Variants in TMIGD2 observed in about 807,000 individuals in gnomAD.
TMIGD2 encodes the protein transmembrane and immunoglobulin domain containing 2.
In TMIGD2, 18 loss-of-function variants were observed where a neutral mutation model predicts 22.6. The observed-to-expected ratio is 0.80, with a 90% CI of 0.55 to 1.18. The LOEUF (loss-of-function observed/expected upper bound fraction) is 1.18, where lower values mean the gene tolerates loss of function less well. TMIGD2 is among the 50% of genes most tolerant of loss of function. TMIGD2 has a pLI of 0.00. For missense variants in TMIGD2, 361 were observed against 378.2 expected (o/e 0.95, Z 0.38); for synonymous variants, 184 against 154.1 (o/e 1.19, Z -1.44).
At chr19:4,298,846 G>A (rs913566885) in intron 1 of TMIGD2, among the ~76,000 whole-genome samples, 3 of 152,110 alleles carry the variant, frequency 2.0e-5, no homozygotes, top group African/African-American at 7.2e-5. Flanking sequence ...GGTATAAGTC[G>A]CTCAGAGCTT....
At chr19:4,296,715 C>A (rs766688557) in intron 2 of TMIGD2, among the ~76,000 whole-genome samples, 259 of 35,134 alleles carry the variant, frequency 7.4e-3, no homozygotes, top group Non-Finnish European at 0.018. Flanking sequence ...GGCACGTGTC[C>A]CCCGCCAGCA....
intron 1 of TMIGD2, among the ~76,000 whole-genome samples, chr19:4,300,757 G>T (rs555517620): frequency 4.8e-4 from 73 of 152,308 alleles, no homozygotes; most frequent in Non-Finnish European, 1.0e-3. Flanking sequence ...AGGCCCTGGG[G>T]CAGGACTGTG....
chr19:4,292,727 A>T lies in TMIGD2; in HGVS notation c.721T>A (p.Cys241Ser), dbSNP rs554333681. 10 of 1,608,970 alleles carry T rather than the reference A, an allele frequency of 6.2e-6. No homozygotes were observed. The South Asian group carries it at 9.9e-5, about 16-fold the overall frequency. ...CTGGGGCAGGGTCTCGGGCTGGGGCAGGGTCTTGACGCCAGGTGCGGCTGG... is the reference window on the plus strand; with the variant it reads ...CTGGGGCAGGGTCTCGGGCTGGGGCTGGGTCTTGACGCCAGGTGCGGCTGG... The change falls in exon 5 of 5, where the codon TGC becomes AGC. Residue 241 changes from cysteine (C) to serine (S), a missense_variant. Cys to Ser is a moderately radical substitution (Grantham distance 112). Coordinates refer to ENST00000301272, the Ensembl canonical transcript of TMIGD2.
At chr19:4,298,143 G>A (rs1461075793) in exon 2 of TMIGD2, 1 of 1,613,412 alleles carries the variant, frequency 6.2e-7, no homozygotes, top group Non-Finnish European at 8.5e-7. Context: ...GCCGTCCCTG[G>A]GGCCCGCAGA....
chr19:4,298,073 T>C (rs1262025272), exon 2 of TMIGD2: 2 of 1,613,488 alleles, frequency 1.2e-6, no homozygotes, highest in Non-Finnish European at 1.7e-6. Context: ...TACGCCCCGC[T>C]GTGGTTGAGG....
At chr19:4,293,208 G>C (rs1424291590) in intron 4 of TMIGD2, among the ~76,000 whole-genome samples, 1 of 150,868 alleles carries the variant, frequency 6.6e-6, no homozygotes, top group Admixed American at 6.6e-5. Flanking sequence ...TGATCCACCC[G>C]CCTCGGCCTC....
exon 5 of TMIGD2, chr19:4,292,833 C>G (rs1971400738): frequency 1.2e-6 from 2 of 1,613,766 alleles, no homozygotes; most frequent in Non-Finnish European, 1.7e-6. Context: ...AGTCCTCACT[C>G]TTCTTTGGGG....
chr19:4,294,792 C>A (rs764768421), exon 3 of TMIGD2: 1 of 1,584,708 alleles, frequency 6.3e-7, no homozygotes, highest in Non-Finnish European at 8.6e-7. Context: ...GCTTGCGATC[C>A]GGTTTCTGTT....
intron 1 of TMIGD2, among the ~76,000 whole-genome samples, chr19:4,301,560 C>T (rs1425021334): frequency 6.6e-6 from 1 of 152,196 alleles, no homozygotes; most frequent in African/African-American, 2.4e-5. Context: ...GTCCCAGCTA[C>T]TCGGGAGCCT....
Position 4,301,874 on chromosome 19 carries a change from G to A in TMIGD2, c.46+466C>T, listed in dbSNP as rs563034407. On this transcript the variant is annotated intron_variant, in intron 1 of 4. Transcript: ENST00000301272. ...TGCTTTTAGCTGTGAGAAGTCTGAC[G>A]TGTCTGTTAGACCCCCGGAGAAGTT... 1.8e-4 allele frequency among the ~76,000 whole-genome samples: 27 copies of A among 152,282 alleles called. No individual in the cohort carries two copies. The South Asian group carries it at 5.0e-3, about 28-fold the overall frequency.
At position 4,293,490 on chromosome 19, in the gene TMIGD2, G is replaced by A. The variant is rs563887694; in HGVS notation, c.563-605C>T. ...TTGGCCAGGCTGGTCTCGAACTCCT[G>A]GCCTCGTGATTCGCCCGCCGTGGCC... is the stretch of plus-strand genomic sequence containing the variant. On this transcript the variant is annotated intron_variant, in intron 4 of 4. Transcript: ENST00000301272. Among the ~76,000 whole-genome samples, 6 of 151,020 alleles carry A rather than the reference G, an allele frequency of 4.0e-5. 1 individual carries two copies. In the East Asian group the frequency reaches 1.2e-3, roughly 30 times the overall value.
chr19:4,299,776 C>T (rs1360053788), intron 1 of TMIGD2, among the ~76,000 whole-genome samples: 1 of 151,852 alleles, frequency 6.6e-6, no homozygotes, highest in Admixed American at 6.6e-5. Flanking sequence ...ATCCCAGCTA[C>T]ATGGGAGGCT....
At chr19:4,298,661 A>T (rs1233993552) in intron 1 of TMIGD2, among the ~76,000 whole-genome samples, 1 of 152,154 alleles carries the variant, frequency 6.6e-6, no homozygotes, top group Admixed American at 6.6e-5. Flanking sequence ...GCTTGAGCCC[A>T]GGCGTTCGAG....
At chr19:4,292,498 A>C in exon 5 of TMIGD2, 1 of 1,250,442 alleles carries the variant, frequency 8.0e-7, no homozygotes, top group Non-Finnish European at 1.2e-6. Flanking sequence ...CGGCTTCCCA[A>C]ACTGCTGGGA....
At chr19:4,299,138 AT>A (rs1199517058) in intron 1 of TMIGD2, among the ~76,000 whole-genome samples, 2 of 151,854 alleles carry the variant, frequency 1.3e-5, no homozygotes, top group Admixed American at 1.3e-4. Flanking sequence ...TGAGGTGGTG[AT>A]TTTTTATTTT....
Position 4,297,398 on chromosome 19 carries a change from C to G in TMIGD2, c.406+588G>C, listed in dbSNP as rs568257254. ...GCTTTATTTTATTTAGAGACAGGGT[C>G]TCGCTCTGTCGCCCAGGCTGGAGTG... On this transcript the variant is annotated intron_variant, in intron 2 of 4. Coordinates refer to ENST00000301272, the Ensembl canonical transcript of TMIGD2. 6.1e-4 allele frequency among the ~76,000 whole-genome samples: 93 copies of G among 152,176 alleles called. 2 individuals are homozygous for G. The South Asian group carries it at 0.019, about 31-fold the overall frequency.
chr19:4,300,949 T>C (rs1971528644), intron 1 of TMIGD2, among the ~76,000 whole-genome samples: 1 of 150,956 alleles, frequency 6.6e-6, no homozygotes. Flanking sequence ...AGGGAAGAAA[T>C]AGTCCAATTG....
Position 4,292,890 on chromosome 19 carries a change from G to A in TMIGD2, c.563-5C>T. 1 of 1,613,492 alleles carries A rather than the reference G, an allele frequency of 6.2e-7. No individual in the cohort carries two copies. The highest frequency in any genetic ancestry group is 8.5e-7 in the Non-Finnish European group (1 of 1,179,878). On this transcript the variant is annotated splice_polypyrimidine_tract_variant and splice_region_variant and intron_variant, in intron 4 of 4. Coordinates refer to ENST00000301272, the Ensembl canonical transcript of TMIGD2. ...CGTTGCTGTAGAATGCATTTCCTAG[G>A]ATGGATGACACAGACCAAGAGGATC... is the stretch of plus-strand genomic sequence containing the variant.
chr19:4,301,524 G>T (rs1045498627), intron 1 of TMIGD2, among the ~76,000 whole-genome samples: 6 of 152,176 alleles, frequency 3.9e-5, no homozygotes, highest in African/African-American at 1.4e-4. Context: ...AAAAAAATTA[G>T]CCAGGCGCAG....
Sources: gnomAD v4.1 joint callset for allele counts (sites outside exome capture counted in the v4.1 genomes callset) on GRCh38, gnomAD v4.1.1 for gene constraint, MANE v1.5 for transcripts, NCBI Gene and HGNC (gene_info 2026-07-23, HGNC 2026-07-21) for gene names.